The following USP34 variants were observed in gnomAD, a reference collection of about 807,000 sequenced individuals.
USP34 encodes the protein ubiquitin specific peptidase 34.
In USP34, 70 loss-of-function variants were observed where a neutral mutation model predicts 460.3. The ratio of observed to expected loss-of-function variants is 0.15; its 90% CI spans 0.13 to 0.19. The LOEUF is 0.19. Ranked by LOEUF, USP34 falls within the 10% of genes least tolerant of loss-of-function variation. The pLI, the probability that USP34 is intolerant of heterozygous loss-of-function variation, is 1.00. For missense variants in USP34, 3,985 were observed against 4,236.2 expected, an observed-to-expected ratio of 0.94 and a Z score of 1.65; for synonymous variants, 1,647 against 1,405.3, an observed-to-expected ratio of 1.17 and a Z score of -3.85.
At chr2:61,223,460 C>A in intron 62 of USP34, 164 bp from the exon 63 acceptor site, 1 of 644,414 alleles carries the variant, frequency 1.6e-6, no homozygotes, top group Non-Finnish European at 2.6e-6. Flanking sequence ...GTCTTTTGGG[C>A]AACTTTTCAA....
chr2:61,450,917 A>ATT (rs1326606992), intron 1 of USP34, among the ~76,000 whole-genome samples: 1 of 149,602 alleles, frequency 6.7e-6, no homozygotes, highest in Non-Finnish European at 1.5e-5. Flanking sequence ...CTAAAGTTTC[A>ATT]TCTTAACAAA....
chr2:61,437,774 A>AAATAAATAAAT (rs1694854947), intron 1 of USP34, among the ~76,000 whole-genome samples: 2 of 134,540 alleles, frequency 1.5e-5, no homozygotes, highest in African/African-American at 5.6e-5. Context: ...CTCCGTCTCA[A>AAATAAATAAAT]AAATAAATAA....
intron 61 of USP34, among the ~76,000 whole-genome samples, chr2:61,227,670 C>T (rs889347320): frequency 6.6e-6 from 1 of 151,778 alleles, no homozygotes; most frequent in Non-Finnish European, 1.5e-5. Context: ...GAGATAGCAC[C>T]ACTGCACTCC....
chr2:61,423,126 G>T (rs1175086014), intron 1 of USP34, among the ~76,000 whole-genome samples: 1 of 152,146 alleles, frequency 6.6e-6, no homozygotes, highest in Non-Finnish European at 1.5e-5. Context: ...TTAAATTTTT[G>T]GTTTTTTGAG....
intron 33 of USP34, among the ~76,000 whole-genome samples, chr2:61,290,024 A>G (rs1006369475): frequency 6.6e-6 from 1 of 152,176 alleles, no homozygotes; most frequent in Non-Finnish European, 1.5e-5. Context: ...ATTTAAGGGA[A>G]AAGACCATCT....
chr2:61,365,501 A>G (rs1283685487), intron 10 of USP34, among the ~76,000 whole-genome samples: 3 of 152,170 alleles, frequency 2.0e-5, no homozygotes, highest in Non-Finnish European at 4.4e-5. Flanking sequence ...AAGAATAAAC[A>G]AAAGAGACAT....
rs567448019 is a variant in USP34 at position 61,446,564 on chromosome 2, G to A, written c.43+24086C>T. Among the ~76,000 whole-genome samples, 92 of 152,248 alleles carry A rather than the reference G, an allele frequency of 6.0e-4. 1 individual carries two copies. The highest frequency in any genetic ancestry group is 2.0e-3 in the African/African-American group (83 of 41,546). On this transcript the variant is annotated intron_variant, in intron 1 of 79. Transcript: ENST00000398571. ...TAATTCTAGCCCTTTGAGAAGCCAA[G>A]GCGGGCAGATCACTTAAAGTCAGGA...
intron 10 of USP34, among the ~76,000 whole-genome samples, chr2:61,367,476 TCAAA>T (rs931963580): frequency 3.3e-5 from 5 of 151,998 alleles, no homozygotes; most frequent in Admixed American, 6.6e-5. Context: ...AGACTCCATC[TCAAA>T]CAAACAAGCA....
intron 1 of USP34, among the ~76,000 whole-genome samples, chr2:61,439,053 G>A (rs764174940): frequency 9.2e-5 from 14 of 152,106 alleles, no homozygotes; most frequent in Non-Finnish European, 1.9e-4. Context: ...AAATCAAGAA[G>A]GCAATTTCAT....
chr2:61,372,433 T>C (rs546701690), intron 8 of USP34, among the ~76,000 whole-genome samples: 1 of 152,308 alleles, frequency 6.6e-6, no homozygotes, highest in South Asian at 2.1e-4. Context: ...TTAAAGGACA[T>C]TAATAGAAGA....
chr2:61,329,137 TC>T (rs1194277332), intron 20 of USP34, among the ~76,000 whole-genome samples: 6 of 151,884 alleles, frequency 4.0e-5, no homozygotes, highest in African/African-American at 1.2e-4. Context: ...TTCTCCTGCC[TC>T]AGCCGCCTGA....
At chr2:61,360,600 TA>T (rs1351950332) in intron 10 of USP34, among the ~76,000 whole-genome samples, 1 of 152,186 alleles carries the variant, frequency 6.6e-6, no homozygotes, top group Non-Finnish European at 1.5e-5. Flanking sequence ...AAAATATCAT[TA>T]AAAGTCCATA....
chr2:61,325,675 T>C (rs1034764397), intron 20 of USP34, among the ~76,000 whole-genome samples: 1 of 152,066 alleles, frequency 6.6e-6, no homozygotes, highest in African/African-American at 2.4e-5. Context: ...TACAACAAAG[T>C]TTACTTTCAA....
intron 12 of USP34, among the ~76,000 whole-genome samples, chr2:61,349,929 A>G (rs1446693008): frequency 6.6e-5 from 10 of 152,134 alleles, no homozygotes; most frequent in Non-Finnish European, 1.5e-4. Flanking sequence ...ACACAACAAG[A>G]TAACTGAATC....
intron 3 of USP34, among the ~76,000 whole-genome samples, chr2:61,398,924 C>T (rs777531363): frequency 3.9e-5 from 6 of 152,104 alleles, no homozygotes; most frequent in Non-Finnish European, 7.4e-5. Context: ...TTAATCTCAA[C>T]GAACTTTTTC....
chr2:61,383,424 GC>G, intron 5 of USP34, 88 bp from the exon 6 acceptor site: 1 of 1,018,222 alleles, frequency 9.8e-7, no homozygotes, highest in Non-Finnish European at 1.4e-6. Context: ...AAGAGCATTG[GC>G]CAGGCACGGT....
chr2:61,220,001 AC>A lies in USP34; in HGVS notation c.8047+308del, dbSNP rs1408246539. The stretch of plus-strand genomic sequence containing the variant: ...TGTCTTTATTACCATTTTATCCTTA[AC>A]CTTCTCAAAAGTTACTTTTAAGACA... On this transcript the variant is annotated intron_variant, in intron 67 of 79. Transcript: ENST00000398571. Among the ~76,000 whole-genome samples the A allele has an allele frequency of 7.3e-5, 11 of 151,660 alleles. No homozygotes were observed. The East Asian group carries it at 1.9e-3, about 27-fold the overall frequency.
chr2:61,217,689 C>T (rs1687442154), intron 67 of USP34, among the ~76,000 whole-genome samples: 1 of 152,238 alleles, frequency 6.6e-6, no homozygotes, highest in African/African-American at 2.4e-5. Flanking sequence ...GGCACAGTGG[C>T]TCACGCCTAT....
intron 51 of USP34, among the ~76,000 whole-genome samples, chr2:61,243,554 CTTCATTT>C (rs1230973226): frequency 9.0e-6 from 1 of 111,146 alleles, no homozygotes; most frequent in Non-Finnish European, 1.8e-5. Flanking sequence ...CCTCTTCTTC[CTTCATTT>C]TTTTTTTTTT....
Sources: allele counts gnomAD v4.1 joint callset (sites outside exome capture counted in the v4.1 genomes callset), GRCh38; gene constraint gnomAD v4.1.1; transcripts MANE v1.5; gene names NCBI Gene and HGNC (gene_info 2026-07-23, HGNC 2026-07-21).